The following STK32B variants were observed in gnomAD, a reference collection of about 807,000 sequenced individuals.
STK32B encodes the protein serine/threonine-protein kinase 32B.
A neutral mutation model predicts 52.6 loss-of-function variants in STK32B; 43 were observed. The observed-to-expected ratio is 0.82, with a 90% CI of 0.64 to 1.05. The LOEUF (loss-of-function observed/expected upper bound fraction) is 1.05. Ranked by LOEUF, STK32B falls within the 50% of genes least tolerant of loss-of-function variation. STK32B has a pLI of 0.00. For missense variants in STK32B, 621 were observed against 534.6 expected, an observed-to-expected ratio of 1.16 and a Z score of -1.59; for synonymous variants, 238 against 204.3, an observed-to-expected ratio of 1.17 and a Z score of -1.41.
intron 4 of STK32B, among the ~76,000 whole-genome samples, chr4:5,372,325 C>T (rs1735295314): frequency 6.6e-6 from 1 of 152,070 alleles, no homozygotes; most frequent in African/African-American, 2.4e-5. Context: ...TGGGTACTTC[C>T]CTGGGTCCTG....
chr4:5,214,911 G>T (rs1723100196), intron 3 of STK32B, among the ~76,000 whole-genome samples: 1 of 152,180 alleles, frequency 6.6e-6, no homozygotes, highest in South Asian at 2.1e-4. Context: ...GGAGAAATCT[G>T]AGATTTTGTG....
In STK32B at chr4:5,470,345, T is replaced by C. The variant is rs572885183; in HGVS notation, c.1106+2275T>C. Among the ~76,000 whole-genome samples the C allele has an allele frequency of 5.9e-5, 9 of 152,298 alleles. No homozygotes were observed. Among genetic ancestry groups the C allele is most frequent in the Non-Finnish European group, 1.0e-4 (7 of 68,024 alleles). On this transcript the variant is annotated intron_variant, in intron 11 of 11. Transcript: ENST00000282908. The surrounding 1 kb of genome is among the most constrained non-coding windows in gnomAD (Gnocchi z 4.6). ...TGGCATCGGGGATTGGAAGTGAGGCTGGCATAGTTTACCGGAGTCAGCAAA... is the reference window on the plus strand; with the variant it reads ...TGGCATCGGGGATTGGAAGTGAGGCCGGCATAGTTTACCGGAGTCAGCAAA...
chr4:5,095,448 C>A (rs934085074), intron 1 of STK32B, among the ~76,000 whole-genome samples: 22 of 152,080 alleles, frequency 1.4e-4, no homozygotes, highest in Non-Finnish European at 2.8e-4. Context: ...AACTCTGCCT[C>A]TATTAAAACT....
chr4:5,495,263 C>A (rs1421797743), intron 11 of STK32B, among the ~76,000 whole-genome samples: 1 of 152,114 alleles, frequency 6.6e-6, no homozygotes, highest in African/African-American at 2.4e-5. Context: ...TTCTTGGAGG[C>A]TTTGTTCGTT....
intron 3 of STK32B, among the ~76,000 whole-genome samples, chr4:5,308,960 G>C (rs533335344): frequency 4.4e-4 from 67 of 152,064 alleles, no homozygotes; most frequent in African/African-American, 1.5e-3. Context: ...AAGTCAAATT[G>C]TCTCTGCTTG....
At chr4:5,474,154 G>C (rs1718053235) in intron 11 of STK32B, among the ~76,000 whole-genome samples, 1 of 152,142 alleles carries the variant, frequency 6.6e-6, no homozygotes, top group South Asian at 2.1e-4. Context: ...GACTTCATCT[G>C]CTTAGGTGGC....
intron 3 of STK32B, among the ~76,000 whole-genome samples, chr4:5,207,776 C>G (rs988862708): frequency 2.0e-5 from 3 of 151,880 alleles, no homozygotes; most frequent in Non-Finnish European, 4.4e-5. Context: ...GCAAAGAGGA[C>G]TGTGATCACT....
intron 5 of STK32B, among the ~76,000 whole-genome samples, chr4:5,411,161 A>C (rs916289096): frequency 3.3e-5 from 5 of 151,420 alleles, no homozygotes; most frequent in African/African-American, 1.2e-4. Context: ...CCAGCTTCCC[A>C]AGTAACTGGG....
At chr4:5,329,877 G>T (rs1006820310) in intron 3 of STK32B, among the ~76,000 whole-genome samples, 4 of 152,204 alleles carry the variant, frequency 2.6e-5, no homozygotes, top group Non-Finnish European at 2.9e-5. Context: ...AGCTGGAGGG[G>T]ATTTGAGGTC....
At chr4:5,172,779 T>C (rs1719493266) in intron 3 of STK32B, among the ~76,000 whole-genome samples, 1 of 152,164 alleles carries the variant, frequency 6.6e-6, no homozygotes, top group Non-Finnish European at 1.5e-5. Context: ...TCTTTTTTGG[T>C]TGTGTCTCTG....
rs75151992 is a variant in STK32B at position 5,187,774 on chromosome 4, C to T, written c.260+19324C>T. 5.9e-5 allele frequency among the ~76,000 whole-genome samples: 9 copies of T among 152,280 alleles called. No individual in the cohort carries two copies. The South Asian group carries it at 1.2e-3, about 21-fold the overall frequency. ...TGATGAGCTAGTATAAGCCGGCTCC[C>T]GCACAACTCTGCCAGACTCAGATCT... On this transcript the variant is annotated intron_variant, in intron 3 of 11. Transcript: ENST00000282908.
At chr4:5,262,620 A>T (rs1216533971) in intron 3 of STK32B, among the ~76,000 whole-genome samples, 1 of 145,198 alleles carries the variant, frequency 6.9e-6, no homozygotes, top group Admixed American at 6.7e-5. Flanking sequence ...GCGAGACTCC[A>T]TCTCAAAAAA....
At chr4:5,025,065 G>A in the STK32B span, among the ~76,000 whole-genome samples, 2 of 152,148 alleles carry the variant, frequency 1.3e-5, no homozygotes, top group African/African-American at 4.8e-5. Context: ...GAGGACTTGG[G>A]CCAGGTCCTC....
intron 3 of STK32B, among the ~76,000 whole-genome samples, chr4:5,221,856 A>T (rs62298557): frequency 4.1e-4 from 1 of 2,418 alleles, no homozygotes; most frequent in African/African-American, 1.2e-3. Flanking sequence ...CTCTGTCTCA[A>T]AAAAAAAAAA....
chr4:5,251,206 C>T (rs563440879), intron 3 of STK32B, among the ~76,000 whole-genome samples: 43 of 152,214 alleles, frequency 2.8e-4, no homozygotes, highest in African/African-American at 9.6e-4. Flanking sequence ...ACATTTAAGT[C>T]GTTAATCCAT....
intron 4 of STK32B, among the ~76,000 whole-genome samples, 191 bp downstream of exon 4, chr4:5,331,584 T>C (rs543731830): frequency 6.6e-6 from 1 of 152,288 alleles, no homozygotes; most frequent in Non-Finnish European, 1.5e-5. Flanking sequence ...ACATCTCCCA[T>C]CCTATACCCG....
chr4:5,208,062 CA>C (rs1231259463), intron 3 of STK32B, among the ~76,000 whole-genome samples: 4 of 152,072 alleles, frequency 2.6e-5, no homozygotes, highest in Non-Finnish European at 4.4e-5. Flanking sequence ...CTTAAAAGAA[CA>C]GAGGTCTCTT....
chr4:5,155,943 GCATATA>G (rs1018557977), intron 2 of STK32B, among the ~76,000 whole-genome samples: 6 of 151,902 alleles, frequency 3.9e-5, no homozygotes, highest in African/African-American at 1.5e-4. Flanking sequence ...ATGTACACGT[GCATATA>G]CATATACATA....
the STK32B span, among the ~76,000 whole-genome samples, chr4:5,024,263 C>T: frequency 6.6e-6 from 1 of 152,198 alleles, no homozygotes; most frequent in Non-Finnish European, 1.5e-5. Context: ...TTTAGATACT[C>T]TGGGTAGGCC....
Sources: gnomAD v4.1 joint callset for allele counts (sites outside exome capture counted in the v4.1 genomes callset) on GRCh38, gnomAD v4.1.1 for gene constraint, Gnocchi (gnomAD v3.1) non-coding constraint, MANE v1.5 for transcripts, NCBI Gene and HGNC (gene_info 2026-07-23, HGNC 2026-07-21) for gene names.